The following PREX1 variants were observed in gnomAD, a reference collection of about 807,000 sequenced individuals.
The protein encoded by PREX1 is phosphatidylinositol 3,4,5-trisphosphate-dependent Rac exchanger 1 protein.
PREX1 carries 41 observed loss-of-function variants against 198.3 expected under a neutral mutation model. The ratio of observed to expected loss-of-function variants is 0.21; its 90% CI spans 0.16 to 0.27. PREX1 has a LOEUF of 0.27. Ranked by LOEUF, PREX1 falls within the 10% of genes least tolerant of loss-of-function variation. PREX1 has a pLI of 1.00. For missense variants in PREX1, 1,620 were observed against 2,200.7 expected (o/e 0.74, Z 5.28); for synonymous variants, 843 against 887.2 (o/e 0.95, Z 0.89).
intron 1 of PREX1, among the ~76,000 whole-genome samples, chr20:48,773,984 G>A (rs2090249234): frequency 6.6e-6 from 1 of 152,174 alleles, no homozygotes; most frequent in Non-Finnish European, 1.5e-5. Flanking sequence ...CCAAGACAGA[G>A]CCCACGGGAT....
chr20:48,628,573 G>A (rs1398527605), intron 37 of PREX1, among the ~76,000 whole-genome samples: 1 of 152,136 alleles, frequency 6.6e-6, no homozygotes, highest in Non-Finnish European at 1.5e-5. Flanking sequence ...CAGCATCCCG[G>A]CCTCTACCCA....
At chr20:48,681,607 AGAGG>A (rs1206539939) in intron 10 of PREX1, among the ~76,000 whole-genome samples, 1 of 151,272 alleles carries the variant, frequency 6.6e-6, no homozygotes, top group African/African-American at 2.4e-5. Context: ...AGGAAGGGAG[AGAGG>A]GAGGGAGGGA....
rs2089602012 is a variant in PREX1, at chr20:48,662,216, AG to A, written c.1739-2156del. On this transcript the variant is annotated intron_variant, in intron 15 of 39. Transcript: ENST00000371941. ...CCCCAGAGCTGGGGAGCCAGGCACC[AG>A]GGGGCCGCTGGCTTCGACTCCACTA... Among the ~76,000 whole-genome samples the A allele has an allele frequency of 2.0e-5, 3 of 152,328 alleles. No individual in the cohort carries two copies. In the South Asian group the frequency reaches 6.2e-4, roughly 32 times the overall value.
intron 4 of PREX1, among the ~76,000 whole-genome samples, chr20:48,732,080 G>A (rs112849061): frequency 0.011 from 1,704 of 152,298 alleles, 17 homozygotes; most frequent in Non-Finnish European, 0.017. Context: ...GTCCATGTGG[G>A]GTCTTGCAGT....
At chr20:48,739,766 C>A (rs772331246) in intron 3 of PREX1, among the ~76,000 whole-genome samples, 1 of 152,202 alleles carries the variant, frequency 6.6e-6, no homozygotes, top group Non-Finnish European at 1.5e-5. Context: ...GACTCTACAG[C>A]CTGACTGTGT....
intron 1 of PREX1, among the ~76,000 whole-genome samples, chr20:48,809,119 C>G (rs565129853): frequency 1.3e-5 from 2 of 152,194 alleles, no homozygotes; most frequent in South Asian, 2.1e-4. Flanking sequence ...GGGCACAGTT[C>G]CTCACACATG....
At chr20:48,737,750 T>C (rs952518303) in intron 3 of PREX1, among the ~76,000 whole-genome samples, 1 of 152,212 alleles carries the variant, frequency 6.6e-6, no homozygotes, top group Non-Finnish European at 1.5e-5. Context: ...TGAGCTGCTG[T>C]TGAACCCCTG....
the PREX1 span, among the ~76,000 whole-genome samples, chr20:48,851,263 T>A: frequency 2.0e-5 from 3 of 152,072 alleles, no homozygotes; most frequent in East Asian, 3.9e-4. Context: ...TCCCAGCACT[T>A]TGGGAGGCTG....
intron 30 of PREX1, among the ~76,000 whole-genome samples, chr20:48,638,297 TACAC>T (rs1400506406): frequency 1.3e-5 from 2 of 151,780 alleles, no homozygotes; most frequent in Admixed American, 1.3e-4. Flanking sequence ...CACACACAGG[TACAC>T]ACACATCCAC....
At chr20:48,810,797 G>T (rs1457283082) in intron 1 of PREX1, among the ~76,000 whole-genome samples, 2 of 151,650 alleles carry the variant, frequency 1.3e-5, no homozygotes, top group African/African-American at 4.9e-5. Flanking sequence ...TGAGGTAGAA[G>T]AATCACTTGA....
chr20:48,827,585 G>A lies in PREX1; in HGVS notation c.219+57C>T. On this transcript the variant is annotated intron_variant, in intron 1 of 39. Transcript: ENST00000371941. This position sits in a 1 kb window ranked among gnomAD's most constrained non-coding sequence, Gnocchi z 4.1. Reference sequence around the variant, plus strand: ...ACCACGGCCACAGGTTGTGGGGACCGCAGCGGGGCGAGCGGCTGGAGGGAA... The same window carrying A: ...ACCACGGCCACAGGTTGTGGGGACCACAGCGGGGCGAGCGGCTGGAGGGAA... 1.7e-6 allele frequency: 2 copies of A among 1,165,370 alleles called. No homozygotes were observed. Among genetic ancestry groups the A allele is most frequent in the Non-Finnish European group, 1.1e-6 (1 of 922,016 alleles). The allele number at this position is 1,165,370 out of a possible 1,614,324, so 72.2% of individuals were successfully genotyped here.
At chr20:48,836,966 T>TAAA in the PREX1 span, among the ~76,000 whole-genome samples, 1 of 128,424 alleles carries the variant, frequency 7.8e-6, no homozygotes, top group East Asian at 2.4e-4. Flanking sequence ...CACAGCGACA[T>TAAA]AAAAAGAACT....
chr20:48,866,391 G>A, the PREX1 span, among the ~76,000 whole-genome samples: 1 of 152,186 alleles, frequency 6.6e-6, no homozygotes, highest in Non-Finnish European at 1.5e-5. Flanking sequence ...CATGGGCATT[G>A]TCTGGGAAAC....
In PREX1 at chr20:48,724,608, T is replaced by A. The variant is rs183018375; in HGVS notation, c.621+1682A>T. Among the ~76,000 whole-genome samples the A allele has an allele frequency of 5.9e-5, 9 of 152,356 alleles. No individual in the cohort carries two copies. In the East Asian group the frequency reaches 1.7e-3, roughly 29 times the overall value. ...ACATATTCTTCTGGGGTTTTGCTTGTTCGTTTAACAAAGCTTTTAAAAAAA... is the reference window on the plus strand; with the variant it reads ...ACATATTCTTCTGGGGTTTTGCTTGATCGTTTAACAAAGCTTTTAAAAAAA... On this transcript the variant is annotated intron_variant, in intron 5 of 39. Coordinates refer to ENST00000371941, the MANE Select transcript of PREX1 (RefSeq NM_020820.4).
At chr20:48,661,431 AAAAAAAAAAAAAAAT>A (rs1236781462) in intron 15 of PREX1, among the ~76,000 whole-genome samples, 1 of 106,126 alleles carries the variant, frequency 9.4e-6, no homozygotes, top group African/African-American at 5.5e-5. Context: ...AAAAAAAAAA[AAAAAAAAAAAAAAAT>A]ATATATATAT....
intron 1 of PREX1, among the ~76,000 whole-genome samples, chr20:48,750,009 G>A (rs1028262436): frequency 6.6e-6 from 1 of 151,926 alleles, no homozygotes; most frequent in African/African-American, 2.4e-5. Flanking sequence ...CCACCTGGAT[G>A]TCCAAACTCA....
rs577742189 is a variant in PREX1, at chr20:48,827,313, G to C, written c.219+329C>G. Reference sequence around the variant, plus strand: ...GGAGCGCCAGCTCCCGGCGCCGCCGGGGTCCCCAAGCCCCTGCATCGCGGA... The same window carrying C: ...GGAGCGCCAGCTCCCGGCGCCGCCGCGGTCCCCAAGCCCCTGCATCGCGGA... On this transcript the variant is annotated intron_variant, in intron 1 of 39. Transcript: ENST00000371941. This position sits in a 1 kb window ranked among gnomAD's most constrained non-coding sequence, Gnocchi z 4.1. 5.9e-5 allele frequency among the ~76,000 whole-genome samples: 9 copies of C among 152,340 alleles called. No homozygotes were observed. Among genetic ancestry groups the C allele is most frequent in the Admixed American group, 4.6e-4 (7 of 15,310 alleles).
At chr20:48,698,477 C>A (rs1367753179) in intron 7 of PREX1, among the ~76,000 whole-genome samples, 1 of 152,068 alleles carries the variant, frequency 6.6e-6, no homozygotes, top group East Asian at 1.9e-4. Context: ...CTGAAACTAC[C>A]CAAGAAGGAC....
the PREX1 span, among the ~76,000 whole-genome samples, chr20:48,868,820 A>C: frequency 1.3e-5 from 2 of 152,194 alleles, no homozygotes; most frequent in East Asian, 3.8e-4. Context: ...GAGCATAACA[A>C]ACACATTGTT....
Sources: gnomAD v4.1 joint callset for allele counts (sites outside exome capture counted in the v4.1 genomes callset) on GRCh38, gnomAD v4.1.1 for gene constraint, Gnocchi (gnomAD v3.1) non-coding constraint, MANE v1.5 for transcripts, NCBI Gene and HGNC (gene_info 2026-07-23, HGNC 2026-07-21) for gene names.